The following HADHB variants were observed in gnomAD, a reference collection of about 807,000 sequenced individuals.
HADHB encodes trifunctional enzyme subunit beta, mitochondrial.
Under a neutral mutation model 61.9 loss-of-function variants are expected in HADHB, and 50 were observed. The observed-to-expected ratio is 0.81, with a 90% CI of 0.64 to 1.02. HADHB has a LOEUF of 1.02. HADHB is among the 50% of genes least tolerant of loss of function. The pLI is 0.00. For synonymous variants in HADHB, 191 were observed against 201.6 expected (o/e 0.95, Z 0.45); for missense variants, 504 against 586.5 (o/e 0.86, Z 1.45).
Position 26,280,593 on chromosome 2 carries a change from C to T in HADHB, c.933+478C>T, listed in dbSNP as rs540652045. Reference sequence around the variant, plus strand: ...TCAGGCCGGGTGCGGTGGCTCACGCCTGTAATCCCAGCACTTTGGGAGGTT... The same window carrying T: ...TCAGGCCGGGTGCGGTGGCTCACGCTTGTAATCCCAGCACTTTGGGAGGTT... On this transcript the variant is annotated intron_variant, in intron 10 of 15. Transcript: ENST00000317799. Among the ~76,000 whole-genome samples, 179 of 152,236 alleles carry T rather than the reference C, an allele frequency of 1.2e-3. 1 individual carries two copies. The highest frequency in any genetic ancestry group is 2.0e-3 in the Non-Finnish European group (134 of 68,010).
At chr2:26,284,272 G>C in intron 13 of HADHB, 68 bp downstream of exon 13, 1 of 874,854 alleles carries the variant, frequency 1.1e-6, no homozygotes, top group Non-Finnish European at 2.0e-6. Flanking sequence ...ATTTGTGGGA[G>C]AGAGCAAGGC....
chr2:26,255,065 T>A (rs1671550981), intron 3 of HADHB: 2 of 156,776 alleles, frequency 1.3e-5, no homozygotes, highest in African/African-American at 2.4e-5. Flanking sequence ...TAGAATCTGC[T>A]GTAGGTTTTT....
At chr2:26,271,112 G>C (rs1672327367) in intron 5 of HADHB, among the ~76,000 whole-genome samples, 1 of 150,042 alleles carries the variant, frequency 6.7e-6, no homozygotes, top group Admixed American at 6.6e-5. Flanking sequence ...AGCCAGGATG[G>C]TGTCGATCTC....
At chr2:26,266,838 C>T (rs1009895837) in intron 4 of HADHB, among the ~76,000 whole-genome samples, 1 of 126,460 alleles carries the variant, frequency 7.9e-6, no homozygotes, top group Non-Finnish European at 1.6e-5. Context: ...CTCCAGCCCT[C>T]CAGCCTTGGT....
At position 26,254,227 on chromosome 2, in the gene HADHB, T is replaced by C. The variant is rs1671519877; in HGVS notation, c.-8-20T>C. On this transcript the variant is annotated intron_variant, in intron 1 of 15. Coordinates refer to ENST00000317799, the MANE Select transcript of HADHB (RefSeq NM_000183.3). ...ATTGTTCAGCTAATCCAGGATATAC[T>C]TTTGTTCTTCTCTTTTTAGATTCCA... is the stretch of plus-strand genomic sequence containing the variant. 1.9e-6 allele frequency: 2 copies of C among 1,078,870 alleles called. No individual in the cohort carries two copies. The highest frequency in any genetic ancestry group is 3.3e-5 in the African/African-American group (2 of 60,296). 66.8% of individuals were successfully genotyped at this position (1,078,870 alleles called of 1,614,324 possible).
chr2:26,278,544 G>A, intron 7 of HADHB, 70 bp from the exon 8 acceptor site: 1 of 1,287,200 alleles, frequency 7.8e-7, no homozygotes, highest in Non-Finnish European at 1.1e-6. Flanking sequence ...TTTTAATCAA[G>A]AAGCTTAAAT....
At chr2:26,278,855 G>T (rs1264557190) in intron 8 of HADHB, 54 bp downstream of exon 8, 2 of 1,434,452 alleles carry the variant, frequency 1.4e-6, no homozygotes, top group African/African-American at 1.4e-5. Context: ...ATTAGGTATG[G>T]CAGTGTGGAC....
chr2:26,282,244 G>GTTCT, intron 10 of HADHB, among the ~76,000 whole-genome samples: 5 of 143,796 alleles, frequency 3.5e-5, no homozygotes, highest in African/African-American at 1.0e-4. Context: ...ATTATGAGCA[G>GTTCT]TTCTTTCTTT....
rs143723416 is a variant in HADHB at position 26,272,414 on chromosome 2, C to T, written c.255-1237C>T. 1.2e-3 allele frequency among the ~76,000 whole-genome samples: 178 copies of T among 148,928 alleles called. 1 individual carries two copies. The highest frequency in any genetic ancestry group is 3.9e-3 in the African/African-American group (157 of 40,334). On this transcript the variant is annotated intron_variant, in intron 5 of 15. Transcript: ENST00000317799. ...AAATTGGAGTGCAGTGGCACGATCT[C>T]GGCTCACTGCAGCCTCCGCCTCCCA...
At chr2:26,273,857 A>G (rs1672445043) in intron 6 of HADHB, 107 bp downstream of exon 6, 2 of 711,234 alleles carry the variant, frequency 2.8e-6, no homozygotes, top group Non-Finnish European at 5.1e-6. Flanking sequence ...ATTGAGTTAC[A>G]TTTGACCTAA....
chr2:26,254,618 T>C (rs1558342178), intron 3 of HADHB, 144 bp downstream of exon 3: 1 of 644,574 alleles, frequency 1.6e-6, no homozygotes, highest in Non-Finnish European at 2.8e-6. Context: ...TGCCTTCAAA[T>C]TAAAAAATTA....
chr2:26,247,327 T>C (rs533285340), intron 1 of HADHB, among the ~76,000 whole-genome samples: 3 of 152,344 alleles, frequency 2.0e-5, no homozygotes, highest in South Asian at 4.1e-4. Flanking sequence ...AAAGGTCAGC[T>C]CTGCTATAGG....
chr2:26,278,859 T>A, intron 8 of HADHB, 58 bp downstream of exon 8: 4 of 1,348,244 alleles, frequency 3.0e-6, no homozygotes, highest in Non-Finnish European at 4.3e-6. Context: ...GGTATGGCAG[T>A]GTGGACTCTG....
intron 1 of HADHB, among the ~76,000 whole-genome samples, chr2:26,246,687 G>C (rs1168993939): frequency 6.6e-6 from 1 of 152,116 alleles, no homozygotes; most frequent in Non-Finnish European, 1.5e-5. Context: ...CTAGAGGCCC[G>C]TGTGTTGTAG....
rs1252952487 is a variant in HADHB at position 26,273,636 on chromosome 2, G to A, written c.255-15G>A. On this transcript the variant is annotated splice_polypyrimidine_tract_variant and intron_variant, in intron 5 of 15. Transcript: ENST00000317799. The stretch of plus-strand genomic sequence containing the variant: ...ATGTGTGAAATGTTTCTTTGCTTTG[G>A]ATTTCTACTTCCAGGGGTTTGTTGC... The A allele has an allele frequency of 7.0e-7, 1 of 1,435,994 alleles. No individual in the cohort carries two copies. The highest frequency in any genetic ancestry group is 9.8e-7 in the Non-Finnish European group (1 of 1,017,726). The allele number at this position is 1,435,994 out of a possible 1,614,324, so 89.0% of individuals were successfully genotyped here.
Position 26,285,512 on chromosome 2 carries a change from A to G in HADHB, c.1330A>G (p.Arg444Gly), listed in dbSNP as rs559553369. Residue 444 changes from arginine to glycine, a missense_variant, in exon 15 of 16, where the codon AGA (arginine) becomes GGA (glycine). Physicochemically the swap from Arg to Gly is moderately radical, Grantham distance 125. Coordinates refer to ENST00000317799, the MANE Select transcript of HADHB (RefSeq NM_000183.3). The stretch of plus-strand genomic sequence containing the variant: ...CAGGTTGGTCATGGCTGCTGCCAAC[A>G]GATTACGGAAAGAAGGAGGCCAGTA... ...GCRLVMAAAN[R>G]LRKEGGQYGL... 3.1e-6 allele frequency: 5 copies of G among 1,614,082 alleles called. No homozygotes were observed. The South Asian group carries it at 5.5e-5, about 18-fold the overall frequency.
chr2:26,262,702 A>G (rs1318271066), intron 3 of HADHB, among the ~76,000 whole-genome samples: 1 of 152,234 alleles, frequency 6.6e-6, no homozygotes, highest in Admixed American at 6.5e-5. Context: ...ACATCAAGCT[A>G]TGTGAAGAGT....
chr2:26,264,466 C>A (rs1671985615), intron 4 of HADHB, among the ~76,000 whole-genome samples: 1 of 144,332 alleles, frequency 6.9e-6, no homozygotes. Flanking sequence ...GGGAGGATCA[C>A]TTGAGCCTGG....
intron 6 of HADHB, among the ~76,000 whole-genome samples, chr2:26,274,725 G>A (rs1027858622): frequency 2.0e-5 from 3 of 152,140 alleles, no homozygotes; most frequent in African/African-American, 7.2e-5. Context: ...ACATCAAGCT[G>A]CTCATAATAC....
Sources: gnomAD v4.1 joint callset for allele counts (sites outside exome capture counted in the v4.1 genomes callset) on GRCh38, gnomAD v4.1.1 for gene constraint, MANE v1.5 for transcripts, NCBI Gene and HGNC (gene_info 2026-07-23, HGNC 2026-07-21) for gene names.